Variants in TTC29 observed in about 807,000 individuals in gnomAD.
TTC29 encodes tetratricopeptide repeat protein 29.
A neutral mutation model predicts 58.1 loss-of-function variants in TTC29; 49 were observed. That is an observed-to-expected ratio of 0.84 (90% CI 0.67 to 1.07). The LOEUF (loss-of-function observed/expected upper bound fraction) is 1.07. Among genes scored for constraint, TTC29 ranks in the 50% least tolerant of loss-of-function variants. The pLI is 0.00. For synonymous variants in TTC29, 209 were observed against 196.8 expected, an observed-to-expected ratio of 1.06 and a Z score of -0.52; for missense variants, 582 against 555.6, an observed-to-expected ratio of 1.05 and a Z score of -0.48.
At chr4:146,708,634 C>T (rs532594211) in intron 11 of TTC29, among the ~76,000 whole-genome samples, 3 of 151,026 alleles carry the variant, frequency 2.0e-5, no homozygotes, top group Non-Finnish European at 4.4e-5. Flanking sequence ...AATAAGGTAC[C>T]GTTTATTCCT....
At chr4:146,822,462 C>T (rs962382317) in intron 9 of TTC29, among the ~76,000 whole-genome samples, 4 of 152,196 alleles carry the variant, frequency 2.6e-5, no homozygotes, top group Non-Finnish European at 5.9e-5. Context: ...ATATGTACCA[C>T]ATTTTCTTTA....
At chr4:146,879,121 A>G (rs909759497) in intron 6 of TTC29, among the ~76,000 whole-genome samples, 9 of 152,330 alleles carry the variant, frequency 5.9e-5, no homozygotes, top group Admixed American at 3.9e-4. Flanking sequence ...TAAGCCAGCA[A>G]GAAGATAAGC....
At chr4:146,890,352 T>C (rs1732267806) in intron 6 of TTC29, among the ~76,000 whole-genome samples, 1 of 152,192 alleles carries the variant, frequency 6.6e-6, no homozygotes, top group African/African-American at 2.4e-5. Context: ...TATAGGGTAG[T>C]AGTCCCATCT....
chr4:146,846,719 C>T (rs1345895451), intron 8 of TTC29, among the ~76,000 whole-genome samples: 1 of 152,176 alleles, frequency 6.6e-6, no homozygotes, highest in Non-Finnish European at 1.5e-5. Flanking sequence ...TATATTTCCA[C>T]ATGAACTGAT....
chr4:146,850,696 A>G (rs544816504), intron 8 of TTC29, among the ~76,000 whole-genome samples: 2 of 152,330 alleles, frequency 1.3e-5, no homozygotes, highest in East Asian at 3.9e-4. Flanking sequence ...TCCCATTCCT[A>G]TGTAACATAT....
intron 9 of TTC29, among the ~76,000 whole-genome samples, chr4:146,829,515 A>C (rs2150152559): frequency 6.6e-6 from 1 of 152,326 alleles, no homozygotes; most frequent in African/African-American, 2.4e-5. Flanking sequence ...TGACAGGAGA[A>C]AATGCAAAAA....
At chr4:146,917,612 A>ATATCTAATTAGATATT (rs1229139204) in intron 4 of TTC29, among the ~76,000 whole-genome samples, 10 of 144,386 alleles carry the variant, frequency 6.9e-5, no homozygotes, top group Non-Finnish European at 1.2e-4. Context: ...TATTATTTAT[A>ATATCTAATTAGATATT]ATATATAATT....
At chr4:146,910,111 T>C (rs1300429596) in intron 4 of TTC29, among the ~76,000 whole-genome samples, 1 of 150,830 alleles carries the variant, frequency 6.6e-6, no homozygotes, top group Non-Finnish European at 1.5e-5. Flanking sequence ...TTATATTCTT[T>C]AAAAAAAAAT....
At chr4:146,829,488 A>G (rs1011604809) in intron 9 of TTC29, among the ~76,000 whole-genome samples, 3 of 152,196 alleles carry the variant, frequency 2.0e-5, no homozygotes, top group African/African-American at 7.2e-5. Flanking sequence ...TGAAAGTAAT[A>G]AGGCAAATGG....
intron 11 of TTC29, among the ~76,000 whole-genome samples, chr4:146,709,046 A>G (rs1022400875): frequency 6.6e-6 from 1 of 152,138 alleles, no homozygotes; most frequent in Admixed American, 6.6e-5. Flanking sequence ...ATTGTGATCT[A>G]TCTACAAACG....
At chr4:146,892,733 G>A (rs994339714) in intron 6 of TTC29, among the ~76,000 whole-genome samples, 3 of 152,286 alleles carry the variant, frequency 2.0e-5, no homozygotes, top group African/African-American at 7.2e-5. Flanking sequence ...AGGAAAAGAG[G>A]AAGTCAAATT....
chr4:146,829,369 A>G (rs980635788), intron 9 of TTC29, among the ~76,000 whole-genome samples: 2 of 152,202 alleles, frequency 1.3e-5, no homozygotes, highest in Non-Finnish European at 2.9e-5. Context: ...GGTTGAACCA[A>G]TGCATGAAAA....
intron 11 of TTC29, among the ~76,000 whole-genome samples, chr4:146,761,062 A>C (rs1218622773): frequency 1.3e-5 from 2 of 151,816 alleles, no homozygotes; most frequent in East Asian, 3.9e-4. Flanking sequence ...CAAAGGCATA[A>C]GAATGATACA....
intron 9 of TTC29, chr4:146,831,923 T>A (rs895157255): frequency 1.2e-4 from 23 of 198,332 alleles, no homozygotes; most frequent in Middle Eastern, 2.4e-3. Context: ...TTTATCTCTT[T>A]ATTAATTAAT....
chr4:146,822,053 G>A (rs1229080235), intron 9 of TTC29, among the ~76,000 whole-genome samples: 1 of 125,734 alleles, frequency 8.0e-6, no homozygotes, highest in East Asian at 2.4e-4. Context: ...TATTTCTAAA[G>A]ACCGAACCCA....
At chr4:146,892,382 C>T (rs148660595) in intron 6 of TTC29, among the ~76,000 whole-genome samples, 53 of 152,246 alleles carry the variant, frequency 3.5e-4, no homozygotes, top group East Asian at 1.7e-3. Flanking sequence ...GTTCAACATA[C>T]GCAAATCAAT....
intron 6 of TTC29, among the ~76,000 whole-genome samples, chr4:146,899,743 G>A (rs1318444270): frequency 6.6e-6 from 1 of 152,152 alleles, no homozygotes. Context: ...CTGTGGCTCT[G>A]GCTTCTGCTC....
At chr4:146,907,591 C>T (rs987560904) in intron 5 of TTC29, among the ~76,000 whole-genome samples, 28 of 152,276 alleles carry the variant, frequency 1.8e-4, no homozygotes, top group Admixed American at 9.8e-4. Context: ...TTTTGTCTCT[C>T]GGGTTCAAGC....
rs184602269 is a variant in TTC29 at position 146,756,387 on chromosome 4, A to G, written c.1330+47070T>C. 1.7e-3 allele frequency among the ~76,000 whole-genome samples: 264 copies of G among 152,304 alleles called. 1 individual carries two copies. The highest frequency in any genetic ancestry group is 6.1e-3 in the African/African-American group (252 of 41,576). On this transcript the variant is annotated intron_variant, in intron 11 of 12. Coordinates refer to ENST00000325106, the MANE Select transcript of TTC29 (RefSeq NM_031956.4). ...CATCCATGAAGTTCAAAATGATACT[A>G]TGAATGACATTAGCAAAAACAGAAT... is the stretch of plus-strand genomic sequence containing the variant.
Sources: gnomAD v4.1 joint callset for allele counts (sites outside exome capture counted in the v4.1 genomes callset) on GRCh38, gnomAD v4.1.1 for gene constraint, MANE v1.5 for transcripts, NCBI Gene and HGNC (gene_info 2026-07-23, HGNC 2026-07-21) for gene names.